The following FAM161B variants were observed in gnomAD, a reference collection of about 807,000 sequenced individuals.
FAM161B encodes protein FAM161B.
In FAM161B, 46 loss-of-function variants were observed where a neutral mutation model predicts 61.5. That is an observed-to-expected ratio of 0.75 (90% confidence interval 0.59 to 0.96). FAM161B has a LOEUF of 0.96. Ranked by LOEUF, FAM161B falls within the 40% of genes least tolerant of loss-of-function variation. FAM161B has a pLI of 0.00. For missense variants in FAM161B, 774 were observed against 800.7 expected, an observed-to-expected ratio of 0.97 and a Z score of 0.40; for synonymous variants, 284 against 302.7, an observed-to-expected ratio of 0.94 and a Z score of 0.64.
Position 73,944,439 on chromosome 14 carries a change from T to C in FAM161B, c.821A>G (p.Gln274Arg). 1 of 1,613,520 alleles carries C rather than the reference T, an allele frequency of 6.2e-7. No individual in the cohort carries two copies. The change falls in exon 3 of 9, where the codon CAG (glutamine) becomes CGG (arginine). Residue 274 changes from glutamine to arginine, a missense_variant. Gln to Arg is a conservative substitution (Grantham distance 43, BLOSUM62 1). Transcript: ENST00000286544. ...TTCAGCTGTGGCTGCCAAGTCTCTC[T>C]GTCGAGCAGCTTCCTTTAGCTGCTC... ...KEEQLKEAAR[Q>R]RDLAATAEAK...
chr14:73,938,562 G>A (rs2055990903), intron 5 of FAM161B, among the ~76,000 whole-genome samples: 1 of 152,000 alleles, frequency 6.6e-6, no homozygotes, highest in South Asian at 2.1e-4. Context: ...CACAAGGTCA[G>A]GAGATCGAGA....
At chr14:73,938,147 C>A (rs1262415226) in intron 5 of FAM161B, 35 bp from the exon 6 acceptor site, 7 of 1,609,806 alleles carry the variant, frequency 4.3e-6, no homozygotes, top group Non-Finnish European at 5.9e-6. Context: ...GTATAGATTA[C>A]CAACCTGGGT....
At chr14:73,944,307 G>C (rs1253600604) in intron 3 of FAM161B, 28 bp downstream of exon 3, 1 of 1,544,220 alleles carries the variant, frequency 6.5e-7, no homozygotes, top group Non-Finnish European at 8.8e-7. Flanking sequence ...CGAGGCAGGA[G>C]GCAGCAAGGT....
intron 8 of FAM161B, among the ~76,000 whole-genome samples, chr14:73,934,817 G>C (rs2055957552): frequency 6.6e-6 from 1 of 152,082 alleles, no homozygotes; most frequent in Admixed American, 6.5e-5. Context: ...GGGAGGCCAT[G>C]GCAGGTGAAT....
Position 73,941,065 on chromosome 14 carries a change from A to G in FAM161B, c.1273-12T>C. ...GGCTGTGGGGAATCCTAGAAGAAAC[A>G]AAGGTTGGTATTGGTGGGACAGCAT... On this transcript the variant is annotated splice_polypyrimidine_tract_variant and intron_variant, in intron 4 of 8. Coordinates refer to ENST00000286544, the MANE Select transcript of FAM161B (RefSeq NM_152445.3). The G allele has an allele frequency of 6.2e-7, 1 of 1,609,732 alleles. No homozygotes were observed. Among genetic ancestry groups the G allele is most frequent in the East Asian group, 2.2e-5 (1 of 44,652 alleles).
In FAM161B at chr14:73,942,404, G is replaced by A. The variant is rs369393179; in HGVS notation, c.1237C>T (p.Arg413Trp). 9.3e-6 allele frequency: 15 copies of A among 1,614,006 alleles called. No homozygotes were observed. The highest frequency in any genetic ancestry group is 1.6e-4 in the Middle Eastern group (1 of 6,072). Residue 413 changes from arginine (R) to tryptophan (W), a missense_variant, in exon 4 of 9, where the codon CGG becomes TGG. Arg to Trp is a moderately radical substitution (Grantham distance 101). Transcript: ENST00000286544. The stretch of plus-strand genomic sequence containing the variant: ...CCGGTGGTGGCAGCATCACAGGGCC[G>A]CTGAGGGTGGCGCAGGTTGGCGGTC... ...LRTANLRHPQ[R>W]PCDAATTGRR...
At chr14:73,922,950 T>A in the FAM161B span, 1 of 152,732 alleles carries the variant, frequency 6.5e-6, no homozygotes, top group African/African-American at 2.4e-5. Context: ...GGTATATCCA[T>A]AAACTATTTC....
chr14:73,929,422 C>T (rs1052531817), downstream of FAM161B, among the ~76,000 whole-genome samples: 2 of 151,932 alleles, frequency 1.3e-5, no homozygotes, highest in Admixed American at 1.3e-4. Flanking sequence ...AACACATGTC[C>T]GTTTCACCTT....
At chr14:73,944,929 G>A (rs768051912) in intron 2 of FAM161B, 44 bp from the exon 3 acceptor site, 25 of 1,458,618 alleles carry the variant, frequency 1.7e-5, no homozygotes, top group Admixed American at 2.5e-5. Flanking sequence ...GGGCAGTCAG[G>A]AGGCCCTGCT....
rs765382027 is a variant in FAM161B at position 73,935,935 on chromosome 14, A to G, written c.1805+14T>C. 6.2e-6 allele frequency: 10 copies of G among 1,603,350 alleles called. No individual in the cohort carries two copies. Among genetic ancestry groups the G allele is most frequent in the Admixed American group, 3.4e-5 (2 of 59,196 alleles). Reference sequence around the variant, plus strand: ...TTTAGAGAGCTGCAGAATGACAGCAACATTTCAGGTTACCTGGGAAAATCC... The same window carrying G: ...TTTAGAGAGCTGCAGAATGACAGCAGCATTTCAGGTTACCTGGGAAAATCC... On this transcript the variant is annotated intron_variant, in intron 8 of 8. Coordinates refer to ENST00000286544, the MANE Select transcript of FAM161B (RefSeq NM_152445.3).
intron 3 of FAM161B, among the ~76,000 whole-genome samples, chr14:73,943,459 T>A (rs1339033416): frequency 6.6e-6 from 1 of 152,168 alleles, no homozygotes; most frequent in Non-Finnish European, 1.5e-5. Flanking sequence ...CTCGCCAACG[T>A]GGCTTGCAAA....
chr14:73,945,617 G>A (rs1432221972), intron 2 of FAM161B, among the ~76,000 whole-genome samples: 2 of 151,974 alleles, frequency 1.3e-5, no homozygotes, highest in African/African-American at 4.8e-5. Context: ...TTTTAGTAGA[G>A]ACGGGGTTTC....
intron 4 of FAM161B, 101 bp downstream of exon 4, chr14:73,942,268 G>C: frequency 8.1e-7 from 1 of 1,228,340 alleles, no homozygotes; most frequent in Non-Finnish European, 1.1e-6. Context: ...TTAAAAAAAA[G>C]ATAGGAAAAC....
Position 73,934,340 on chromosome 14 carries a change from T to C in FAM161B, c.1860A>G (p.Gly620=). 2 of 1,614,126 alleles carry C rather than the reference T, an allele frequency of 1.2e-6. No homozygotes were observed. The highest frequency in any genetic ancestry group is 1.7e-6 in the Non-Finnish European group (2 of 1,180,028). The change falls in exon 9 of 9, where the codon GGA becomes GGG. Residue 620 remains glycine (G), a synonymous_variant. Transcript: ENST00000286544. ...TGGGGCTTGCAGGCTGTTCTAGAGA[T>C]CCTTCTAAACCCTGCTCTGGATCTC... The part of the protein sequence containing the change: ...SIRDPEQGLE[G]SLEQPASPRK...
At chr14:73,923,283 T>C in the FAM161B span, 4 of 1,191,056 alleles carry the variant, frequency 3.4e-6, no homozygotes, top group Admixed American at 6.2e-5. Flanking sequence ...AATAGAGGAA[T>C]GTGGGAAATA....
At chr14:73,939,687 GCCTC>G (rs2056001004) in intron 5 of FAM161B, among the ~76,000 whole-genome samples, 2 of 152,226 alleles carry the variant, frequency 1.3e-5, no homozygotes, top group Admixed American at 1.3e-4. Context: ...CTGGAAATGA[GCCTC>G]CCTCAGTGCA....
chr14:73,928,507 A>G (rs2055866887), downstream of FAM161B, among the ~76,000 whole-genome samples: 1 of 152,146 alleles, frequency 6.6e-6, no homozygotes, highest in Non-Finnish European at 1.5e-5. Flanking sequence ...ACGTGATCAG[A>G]TTTGTGTATT....
intron 7 of FAM161B, among the ~76,000 whole-genome samples, chr14:73,937,364 A>C (rs965412623): frequency 2.6e-5 from 4 of 152,218 alleles, no homozygotes; most frequent in African/African-American, 9.6e-5. Context: ...GACTACAGTG[A>C]AAGCTCTAGG....
the FAM161B span, chr14:73,923,307 T>A: frequency 6.9e-7 from 1 of 1,440,136 alleles, no homozygotes; most frequent in Non-Finnish European, 9.3e-7. Context: ...GAATAGAGTT[T>A]TAGAGTTGTT....
Sources: gnomAD v4.1 joint callset for allele counts (sites outside exome capture counted in the v4.1 genomes callset) on GRCh38, gnomAD v4.1.1 for gene constraint, MANE v1.5 for transcripts, NCBI Gene and HGNC (gene_info 2026-07-23, HGNC 2026-07-21) for gene names.